The following CHERP variants were observed in gnomAD, a reference collection of about 807,000 sequenced individuals.
CHERP encodes the protein calcium homeostasis endoplasmic reticulum protein.
In CHERP, 8 loss-of-function variants were observed where a neutral mutation model predicts 113.8. The ratio of observed to expected loss-of-function variants is 0.07; its 90% confidence interval spans 0.04 to 0.13. CHERP has a LOEUF of 0.13. CHERP is among the 10% of genes least tolerant of loss of function. CHERP has a pLI of 1.00. For synonymous variants in CHERP, 559 were observed against 524.5 expected, an observed-to-expected ratio of 1.07 and a Z score of -0.90; for missense variants, 884 against 1,298.2, an observed-to-expected ratio of 0.68 and a Z score of 4.90.
chr19:16,526,998 A>G (rs2085661551), intron 9 of CHERP, among the ~76,000 whole-genome samples: 1 of 152,172 alleles, frequency 6.6e-6, no homozygotes, highest in Non-Finnish European at 1.5e-5. Flanking sequence ...GCCTCAAGCA[A>G]TCTTCCTGCC....
chr19:16,534,569 A>G (rs1202233715), intron 3 of CHERP, among the ~76,000 whole-genome samples: 2 of 151,986 alleles, frequency 1.3e-5, no homozygotes, highest in Admixed American at 6.6e-5. Context: ...TTTTCCTCCC[A>G]GGTTGAAGCA....
Position 16,523,393 on chromosome 19 carries a change from C to T in CHERP, c.1742-103G>A. ...CAGTGAAGGGCCAGGAGACGAACCC[C>T]TCCTGGGAGCCTGTCCAGCATCTTC... On this transcript the variant is annotated intron_variant, in intron 10 of 16. Coordinates refer to ENST00000546361, the MANE Select transcript of CHERP (RefSeq NM_006387.6). This position sits in a 1 kb window ranked among gnomAD's most constrained non-coding sequence, Gnocchi z 4.0. 1 of 1,344,144 alleles carries T rather than the reference C, an allele frequency of 7.4e-7. No homozygotes were observed. The highest frequency in any genetic ancestry group is 1.0e-6 in the Non-Finnish European group (1 of 970,302). The allele number at this position is 1,344,144 out of a possible 1,614,324, so 83.3% of individuals were successfully genotyped here.
chr19:16,542,179 T>G (rs1322211916), intron 1 of CHERP, 136 bp from the exon 2 acceptor site: 2 of 1,133,936 alleles, frequency 1.8e-6, no homozygotes, highest in East Asian at 2.9e-5. Flanking sequence ...CTTGTACGGG[T>G]CCCGATAGGG....
At chr19:16,526,046 G>C (rs753733200) in intron 9 of CHERP, 2 of 255,212 alleles carry the variant, frequency 7.8e-6, no homozygotes, top group Non-Finnish European at 1.5e-5. Flanking sequence ...GGCACAGACG[G>C]TATCGCTTCT....
chr19:16,537,293 C>G (rs564028076), intron 2 of CHERP, among the ~76,000 whole-genome samples: 2 of 151,978 alleles, frequency 1.3e-5, no homozygotes, highest in African/African-American at 4.8e-5. Context: ...CTTTCTCCCC[C>G]TTTACCAACC....
rs1019822250 is a variant in CHERP at position 16,532,816 on chromosome 19, G to C, written c.523-67C>G. ...TCCCCCAGGCACCCACTGCATCCCT[G>C]AGAGCGCGTCACCATCAGCTCAGGG... On this transcript the variant is annotated intron_variant, in intron 4 of 16. Transcript: ENST00000546361. The surrounding 1 kb of genome is among the most constrained non-coding windows in gnomAD (Gnocchi z 4.4). 1.3e-6 allele frequency: 2 copies of C among 1,564,326 alleles called. No individual in the cohort carries two copies. Among genetic ancestry groups the C allele is most frequent in the Non-Finnish European group, 8.7e-7 (1 of 1,150,372 alleles).
At chr19:16,522,268 T>G (rs549968438) in intron 11 of CHERP, among the ~76,000 whole-genome samples, 8 of 132,184 alleles carry the variant, frequency 6.1e-5, no homozygotes, top group African/African-American at 1.7e-4. Flanking sequence ...CAACCCCCCC[T>G]TTTTTTTTTT....
At position 16,518,329 on chromosome 19, in the gene CHERP, C is replaced by T. The variant is rs1339066029; in HGVS notation, c.*830G>A. The T allele has an allele frequency of 6.6e-6, 1 of 151,950 alleles. No individual in the cohort carries two copies. The highest frequency in any genetic ancestry group is 1.5e-5 in the Non-Finnish European group (1 of 68,020). 9.4% of individuals were successfully genotyped at this position (151,950 alleles called of 1,614,324 possible). ...AGCCGGTGCAGGGTTCTTCCAAGTG[C>T]AAAACTCAAGCAGGGGACGCGACGG... On this transcript the variant is annotated 3_prime_UTR_variant, in exon 17 of 17. Coordinates refer to ENST00000546361, the MANE Select transcript of CHERP (RefSeq NM_006387.6).
chr19:16,536,902 C>T (rs1404672572), intron 2 of CHERP, among the ~76,000 whole-genome samples: 1 of 152,136 alleles, frequency 6.6e-6, no homozygotes, highest in Non-Finnish European at 1.5e-5. Context: ...ATCCCAGCTA[C>T]CTGAGAGGCT....
chr19:16,525,811 T>C lies in CHERP; in HGVS notation c.1306-134A>G, dbSNP rs924153802. 4.0e-6 allele frequency: 3 copies of C among 758,432 alleles called. No homozygotes were observed. Among genetic ancestry groups the C allele is most frequent in the Admixed American group, 7.0e-5 (2 of 28,370 alleles). 47.0% of individuals were successfully genotyped at this position (758,432 alleles called of 1,614,324 possible). On this transcript the variant is annotated intron_variant, in intron 9 of 16. Transcript: ENST00000546361. The surrounding 1 kb of genome is among the most constrained non-coding windows in gnomAD (Gnocchi z 6.5). Reference sequence around the variant, plus strand: ...GCCCTGGCCACGTTGAGGCGCCTCCTACGCTGACGCCTGCGAGGATGCTGG... The same window carrying C: ...GCCCTGGCCACGTTGAGGCGCCTCCCACGCTGACGCCTGCGAGGATGCTGG...
At chr19:16,531,005 A>T in intron 5 of CHERP, 125 bp from the exon 6 acceptor site, 1 of 1,451,718 alleles carries the variant, frequency 6.9e-7, no homozygotes, top group Non-Finnish European at 9.2e-7. Flanking sequence ...CAACCCGGTC[A>T]GGGCGATGGC....
intron 9 of CHERP, among the ~76,000 whole-genome samples, chr19:16,526,882 C>T (rs1025961928): frequency 1.3e-5 from 2 of 152,190 alleles, no homozygotes; most frequent in Non-Finnish European, 2.9e-5. Context: ...CTGCCTCAGA[C>T]CACTGTGTAG....
In CHERP at chr19:16,530,518, C is replaced by T; in HGVS notation, c.876+67G>A. ...TGGGGTGGCAGCTGCTGTCCCCACA[C>T]TCCCAAACCCTCCTGGGGAACCCGC... On this transcript the variant is annotated intron_variant, in intron 7 of 16. Coordinates refer to ENST00000546361, the MANE Select transcript of CHERP (RefSeq NM_006387.6). This position sits in a 1 kb window ranked among gnomAD's most constrained non-coding sequence, Gnocchi z 4.1. The T allele has an allele frequency of 1.3e-6, 2 of 1,482,632 alleles. No individual in the cohort carries two copies. Among genetic ancestry groups the T allele is most frequent in the African/African-American group, 1.4e-5 (1 of 72,322 alleles). The allele number at this position is 1,482,632 out of a possible 1,614,324, so 91.8% of individuals were successfully genotyped here.
chr19:16,539,226 C>T (rs2085761237), intron 2 of CHERP, among the ~76,000 whole-genome samples: 1 of 150,354 alleles, frequency 6.7e-6, no homozygotes, highest in Admixed American at 6.7e-5. Context: ...CGGCTCACTG[C>T]AAGCTCTGCC....
At chr19:16,524,537 C>A (rs1348644978) in intron 10 of CHERP, among the ~76,000 whole-genome samples, 1 of 142,146 alleles carries the variant, frequency 7.0e-6, no homozygotes, top group Non-Finnish European at 1.5e-5. Flanking sequence ...GCCTGGGCAA[C>A]AGGGTGAGAC....
At chr19:16,540,694 T>C (rs2085773198) in intron 2 of CHERP, among the ~76,000 whole-genome samples, 1 of 147,744 alleles carries the variant, frequency 6.8e-6, no homozygotes. Flanking sequence ...CTTTTCTTTT[T>C]CTTTCTTTCT....
In CHERP at chr19:16,519,120, G is replaced by A. The variant is rs751715851; in HGVS notation, c.*39C>T. ...AGTCAGCCAGGAAGGTCCCACAGCC[G>A]GCACCGCTGGCCACCGGCGCGGCTC... On this transcript the variant is annotated 3_prime_UTR_variant, in exon 17 of 17. Coordinates refer to ENST00000546361, the MANE Select transcript of CHERP (RefSeq NM_006387.6). The surrounding 1 kb of genome is among the most constrained non-coding windows in gnomAD (Gnocchi z 6.0). The A allele has an allele frequency of 1.1e-5, 18 of 1,580,338 alleles. No individual in the cohort carries two copies. Among genetic ancestry groups the A allele is most frequent in the East Asian group, 2.3e-5 (1 of 43,788 alleles).
chr19:16,537,470 G>C (rs1458027842), intron 2 of CHERP, among the ~76,000 whole-genome samples: 1 of 151,600 alleles, frequency 6.6e-6, no homozygotes, highest in Non-Finnish European at 1.5e-5. Flanking sequence ...CCTGAGCTTT[G>C]GCCCTAACCA....
Position 16,525,366 on chromosome 19 carries a change from C to T in CHERP, c.1617G>A (p.Pro539=), listed in dbSNP as rs201185399. 1.2e-4 allele frequency: 176 copies of T among 1,491,886 alleles called. 1 individual carries two copies. In the African/African-American group the frequency reaches 2.2e-3, roughly 18 times the overall value. 92.4% of individuals were successfully genotyped at this position (1,491,886 alleles called of 1,614,324 possible). ...GGAAGCGGTTGAAGTTGTGGGGGTGCGGAGGCTGGTTGAACTGCGGGTGCT... is the reference window on the plus strand; with the variant it reads ...GGAAGCGGTTGAAGTTGTGGGGGTGTGGAGGCTGGTTGAACTGCGGGTGCT... The part of the protein sequence containing the change: ...HQQHPQFNQP[P]HPHNFNRFPP... The change falls in exon 10 of 17, where the codon CCG becomes CCA. Residue 539 remains proline (P), a synonymous_variant. Transcript: ENST00000546361. This position sits in a 1 kb window ranked among gnomAD's most constrained non-coding sequence, Gnocchi z 6.5.
Sources: gnomAD v4.1 joint callset for allele counts (sites outside exome capture counted in the v4.1 genomes callset) on GRCh38, gnomAD v4.1.1 for gene constraint, Gnocchi (gnomAD v3.1) non-coding constraint, MANE v1.5 for transcripts, NCBI Gene and HGNC (gene_info 2026-07-23, HGNC 2026-07-21) for gene names.